NOSTRIN: variants seen among roughly 807,000 people sequenced by gnomAD.
NOSTRIN encodes BM247 homolog.
Under a neutral mutation model 59.0 loss-of-function variants are expected in NOSTRIN, and 63 were observed. The ratio of observed to expected loss-of-function variants is 1.07; its 90% CI spans 0.87 to 1.32. The LOEUF is 1.32. Ranked by LOEUF, NOSTRIN falls within the 40% of genes most tolerant of loss-of-function variation. NOSTRIN has a pLI of 0.00. For synonymous variants in NOSTRIN, 200 were observed against 165.4 expected (o/e 1.21, Z -1.61); for missense variants, 512 against 473.1 (o/e 1.08, Z -0.76).
At chr2:168,821,048 T>C (rs1194955785) in intron 2 of NOSTRIN, among the ~76,000 whole-genome samples, 4 of 152,240 alleles carry the variant, frequency 2.6e-5, no homozygotes, top group Non-Finnish European at 5.9e-5. Flanking sequence ...GCTGTGTATT[T>C]CTTCTGGATA....
chr2:168,802,560 C>G (rs1262180629), upstream of NOSTRIN: 4 of 826,180 alleles, frequency 4.8e-6, no homozygotes, highest in African/African-American at 1.6e-5. Flanking sequence ...CTTTGAATCC[C>G]GGAAGTCCAG....
chr2:168,862,305 T>C (rs892995620), intron 15 of NOSTRIN, among the ~76,000 whole-genome samples: 2 of 152,230 alleles, frequency 1.3e-5, no homozygotes, highest in African/African-American at 4.8e-5. Context: ...GAGGGTTTTA[T>C]TGGTATTCCC....
chr2:168,805,613 C>T (rs144771541), intron 1 of NOSTRIN, among the ~76,000 whole-genome samples: 2 of 152,326 alleles, frequency 1.3e-5, no homozygotes, highest in Non-Finnish European at 2.9e-5. Flanking sequence ...TTTACACACT[C>T]ATACAGTATC....
chr2:168,841,235 C>CAAAA (rs57480764), intron 7 of NOSTRIN, among the ~76,000 whole-genome samples: 16 of 106,582 alleles, frequency 1.5e-4, no homozygotes, highest in African/African-American at 4.2e-4. Context: ...ACCCTGTCTC[C>CAAAA]AAAAAAAAAA....
intron 2 of NOSTRIN, among the ~76,000 whole-genome samples, chr2:168,820,290 C>G (rs1686657834): frequency 6.6e-6 from 1 of 152,172 alleles, no homozygotes; most frequent in Non-Finnish European, 1.5e-5. Context: ...TGTTCCGTTC[C>G]ATGAAATGGG....
chr2:168,791,927 G>A (rs1397858817), intron 2 of NOSTRIN, among the ~76,000 whole-genome samples: 1 of 152,154 alleles, frequency 6.6e-6, no homozygotes, highest in South Asian at 2.1e-4. Context: ...CTCCCATTGT[G>A]TAGGTTGCCT....
intron 7 of NOSTRIN, among the ~76,000 whole-genome samples, chr2:168,835,597 T>C (rs888138426): frequency 6.6e-6 from 1 of 152,210 alleles, no homozygotes; most frequent in East Asian, 1.9e-4. Flanking sequence ...ATTTTGTGTA[T>C]GTTAACCTAA....
At position 168,843,090 on chromosome 2, in the gene NOSTRIN, G is replaced by C. The variant is rs1445693518; in HGVS notation, c.603G>C (p.Trp201Cys). The change falls in exon 8 of 16, where the codon TGG becomes TGC. Residue 201 changes from tryptophan (W) to cysteine (C), a missense_variant. Physicochemically the swap from Trp to Cys is radical, Grantham distance 215. Transcript: ENST00000317647. ...CGGGTTATTCTACCAGACTGAAATG[G>C]GAAAACACACTAGAGAACTGCTACC... ...NMAGYSTRLK[W>C]ENTLENCYQS... The C allele has an allele frequency of 1.1e-6, 1 of 872,198 alleles. No individual in the cohort carries two copies. The highest frequency in any genetic ancestry group is 1.6e-5 in the African/African-American group (1 of 61,372). 54.0% of individuals were successfully genotyped at this position (872,198 alleles called of 1,614,324 possible). A position where few individuals can be genotyped will look rare whatever the true frequency, so the allele number is the denominator to read the frequency against.
chr2:168,864,201 C>CAAGTAATCT (rs1255746402), intron 15 of NOSTRIN, among the ~76,000 whole-genome samples: 25 of 151,384 alleles, frequency 1.7e-4, no homozygotes, highest in Non-Finnish European at 1.5e-4. Context: ...CTCTTGACCT[C>CAAGTAATCT]AAGTAATCTG....
At chr2:168,861,673 A>T (rs1173511985) in intron 14 of NOSTRIN, among the ~76,000 whole-genome samples, 1 of 152,196 alleles carries the variant, frequency 6.6e-6, no homozygotes, top group African/African-American at 2.4e-5. Context: ...CAAAACATGC[A>T]TGCAATTACT....
intron 2 of NOSTRIN, 102 bp downstream of exon 2, chr2:168,811,754 G>A: frequency 5.5e-6 from 3 of 543,524 alleles, no homozygotes; most frequent in South Asian, 2.8e-5. Context: ...CCAGAATGTG[G>A]TGTTATATTT....
intron 2 of NOSTRIN, among the ~76,000 whole-genome samples, chr2:168,819,746 A>C (rs1319262102): frequency 1.3e-5 from 2 of 152,230 alleles, no homozygotes; most frequent in Admixed American, 6.5e-5. Context: ...TGCTAGTTCT[A>C]AACCCTTCGG....
chr2:168,802,348 T>A, upstream of NOSTRIN: 1 of 346,020 alleles, frequency 2.9e-6, no homozygotes, highest in Non-Finnish European at 5.5e-6. Flanking sequence ...ATGTTACAGC[T>A]TCTCTGCCTT....
chr2:168,800,910 T>TTAAAAAA (rs147074957), upstream of NOSTRIN, among the ~76,000 whole-genome samples: 83 of 137,942 alleles, frequency 6.0e-4, 1 homozygote, highest in African/African-American at 2.2e-3. Flanking sequence ...AAATTTCTTT[T>TTAAAAAA]AAAAAAAAAA....
exon 2 of NOSTRIN, chr2:168,787,922 T>C (rs1044129602): frequency 6.6e-6 from 1 of 152,150 alleles, no homozygotes; most frequent in Non-Finnish European, 1.5e-5. Flanking sequence ...AAAGTGGTGA[T>C]GCAAAGAACT....
chr2:168,834,482 T>G (rs1687557516), intron 7 of NOSTRIN, among the ~76,000 whole-genome samples, 157 bp downstream of exon 7: 1 of 89,852 alleles, frequency 1.1e-5, no homozygotes, highest in African/African-American at 4.7e-5. Flanking sequence ...TCCAAATCAT[T>G]ACTGGCGTGC....
rs73969974 is a variant in NOSTRIN at position 168,834,321 on chromosome 2, G to T, written c.500G>T (p.Arg167Leu). Reference sequence around the variant, plus strand: ...CAATCTATGACTGAGAAGGAGAAGCGGAAGGTAAGCTGTCATGGCTGGCTG... The same window carrying T: ...CAATCTATGACTGAGAAGGAGAAGCTGAAGGTAAGCTGTCATGGCTGGCTG... Reference protein sequence around the residue: ...SKQSMTEKEKRKLLNKLTKST... With the variant: ...SKQSMTEKEKLKLLNKLTKST... The change falls in exon 7 of 16, where the codon CGG becomes CTG. Residue 167 changes from arginine (R) to leucine (L), a missense_variant. By Grantham distance (102) the Arg-to-Leu change is moderately radical. Transcript: ENST00000317647. 11 of 872,368 alleles carry T rather than the reference G, an allele frequency of 1.3e-5. No individual in the cohort carries two copies. Among genetic ancestry groups the T allele is most frequent in the Non-Finnish European group, 2.2e-5 (11 of 501,478 alleles). The allele number at this position is 872,368 out of a possible 1,614,324, so 54.0% of individuals were successfully genotyped here.
chr2:168,792,542 C>T (rs1040756212), intron 2 of NOSTRIN, among the ~76,000 whole-genome samples: 5 of 152,078 alleles, frequency 3.3e-5, no homozygotes, highest in African/African-American at 7.2e-5. Flanking sequence ...CTCTGTCTCC[C>T]GGATTCAAGT....
At chr2:168,801,310 C>A (rs550642545), upstream of NOSTRIN, 2 of 150,504 alleles carry the variant, frequency 1.3e-5, no homozygotes, top group African/African-American at 4.9e-5. Context: ...AGCTTTGAAC[C>A]CCTAGACCCA....
Sources: gnomAD v4.1 joint callset for allele counts (sites outside exome capture counted in the v4.1 genomes callset) on GRCh38, gnomAD v4.1.1 for gene constraint, MANE v1.5 for transcripts, NCBI Gene and HGNC (gene_info 2026-07-23, HGNC 2026-07-21) for gene names.